Variants in HOOK1 observed in about 807,000 individuals in gnomAD.
HOOK1 encodes the protein hook microtubule tethering protein 1.
Under a neutral mutation model 112.8 loss-of-function variants are expected in HOOK1, and 60 were observed. That is an observed-to-expected ratio of 0.53 (90% CI 0.43 to 0.66). HOOK1 has a LOEUF of 0.66. Among genes scored for constraint, HOOK1 ranks in the 30% least tolerant of loss-of-function variants. HOOK1 has a pLI of 0.00. For synonymous variants in HOOK1, 294 were observed against 283.8 expected, an observed-to-expected ratio of 1.04 and a Z score of -0.36; for missense variants, 770 against 856.0, an observed-to-expected ratio of 0.90 and a Z score of 1.25.
In HOOK1 at chr1:59,840,407, C is replaced by A; in HGVS notation, c.621+16C>A. On this transcript the variant is annotated intron_variant, in intron 8 of 21. Transcript: ENST00000371208. ...GGATATGCAGGTACGGGAAAAAACC[C>A]TGAGCTGAGAAAAACTTCCTCTTTA... 6.6e-7 allele frequency: 1 copy of A among 1,508,964 alleles called. No individual in the cohort carries two copies. The highest frequency in any genetic ancestry group is 8.9e-7 in the Non-Finnish European group (1 of 1,126,498). The allele number at this position is 1,508,964 out of a possible 1,614,324, so 93.5% of individuals were successfully genotyped here. A position where few individuals can be genotyped will look rare whatever the true frequency, so the allele number is the denominator to read the frequency against.
intron 1 of HOOK1, among the ~76,000 whole-genome samples, chr1:59,817,083 C>T (rs149834654): frequency 6.6e-6 from 1 of 152,298 alleles, no homozygotes; most frequent in Non-Finnish European, 1.5e-5. Context: ...GTTATTGTAT[C>T]ATTTGTTCCC....
In HOOK1 at chr1:59,873,440, C is replaced by T. The variant is rs1025635510; in HGVS notation, c.*475C>T. On this transcript the variant is annotated 3_prime_UTR_variant, in exon 22 of 22. Coordinates refer to ENST00000371208, the MANE Select transcript of HOOK1 (RefSeq NM_015888.6). Reference sequence around the variant, plus strand: ...AACTATGCAAGGGTGATTTCTTTGACTTAATATATACAAGGCTTTACTTCT... The same window carrying T: ...AACTATGCAAGGGTGATTTCTTTGATTTAATATATACAAGGCTTTACTTCT... 4 of 151,908 alleles carry T rather than the reference C, an allele frequency of 2.6e-5. No individual in the cohort carries two copies. The highest frequency in any genetic ancestry group is 9.7e-5 in the African/African-American group (4 of 41,358). 9.4% of individuals were successfully genotyped at this position (151,908 alleles called of 1,614,324 possible).
intron 12 of HOOK1, among the ~76,000 whole-genome samples, chr1:59,856,423 A>G (rs1363652326): frequency 6.7e-6 from 1 of 149,528 alleles, no homozygotes; most frequent in Non-Finnish European, 1.5e-5. Context: ...TCTCTGTCTT[A>G]GTCTAGTCTG....
chr1:59,827,769 T>C (rs1214863956), intron 2 of HOOK1, among the ~76,000 whole-genome samples: 1 of 152,258 alleles, frequency 6.6e-6, no homozygotes, highest in African/African-American at 2.4e-5. Flanking sequence ...AGAGTTATCT[T>C]CTGGTTTTAG....
intron 20 of HOOK1, among the ~76,000 whole-genome samples, chr1:59,869,340 T>C (rs540338779): frequency 6.6e-6 from 1 of 152,118 alleles, no homozygotes; most frequent in Non-Finnish European, 1.5e-5. Context: ...TACAGGTGCA[T>C]GCCACCACGC....
At chr1:59,847,899 C>A (rs1331007758) in intron 10 of HOOK1, among the ~76,000 whole-genome samples, 1 of 151,594 alleles carries the variant, frequency 6.6e-6, no homozygotes, top group Non-Finnish European at 1.5e-5. Flanking sequence ...TAAATTTAAT[C>A]AACGTCCTAA....
chr1:59,854,030 ATATATATATTTTTTTTTTTTTT>A (rs2098409002), intron 12 of HOOK1, among the ~76,000 whole-genome samples: 4 of 24,254 alleles, frequency 1.6e-4, no homozygotes, highest in Non-Finnish European at 7.9e-5. Flanking sequence ...ATATATATAT[ATATATATATTTTTTTTTTTTTT>A]TTTTTTTTTT....
intron 5 of HOOK1, among the ~76,000 whole-genome samples, chr1:59,834,376 A>G (rs2098396108): frequency 1.3e-5 from 2 of 152,218 alleles, no homozygotes. Flanking sequence ...AAATAAAACA[A>G]AATACATGAA....
At chr1:59,861,804 C>T (rs1196742186) in intron 15 of HOOK1, among the ~76,000 whole-genome samples, 2 of 152,092 alleles carry the variant, frequency 1.3e-5, no homozygotes, top group Non-Finnish European at 2.9e-5. Context: ...TTATTGAATC[C>T]TAGACACCAA....
At chr1:59,858,929 GT>G (rs1399083823) in intron 13 of HOOK1, 55 bp from the exon 14 acceptor site, 3 of 969,016 alleles carry the variant, frequency 3.1e-6, no homozygotes, top group South Asian at 1.4e-5. Flanking sequence ...AGGAGGGAGG[GT>G]TTTTTAAAAT....
chr1:59,864,670 A>T lies in HOOK1; in HGVS notation c.1661+4A>T. ...AGCAGAAGTTGGAAGCTCATATGTA[A>T]GTAAAACTGATATTTCTTTTCAAAT... On this transcript the variant is annotated splice_donor_region_variant and intron_variant, in intron 17 of 21. Coordinates refer to ENST00000371208, the MANE Select transcript of HOOK1 (RefSeq NM_015888.6). 6.6e-7 allele frequency: 1 copy of T among 1,505,338 alleles called. No individual in the cohort carries two copies. The highest frequency in any genetic ancestry group is 9.2e-7 in the Non-Finnish European group (1 of 1,089,308). The allele number at this position is 1,505,338 out of a possible 1,614,324, so 93.2% of individuals were successfully genotyped here. A position where few individuals can be genotyped will look rare whatever the true frequency, so the allele number is the denominator to read the frequency against.
At chr1:59,821,357 G>A (rs982979252) in intron 1 of HOOK1, among the ~76,000 whole-genome samples, 5 of 152,300 alleles carry the variant, frequency 3.3e-5, no homozygotes, top group East Asian at 3.9e-4. Flanking sequence ...TCTTCAAGAC[G>A]TAAGGCCAAT....
At chr1:59,826,741 AC>A (rs2098390227) in intron 2 of HOOK1, among the ~76,000 whole-genome samples, 1 of 152,156 alleles carries the variant, frequency 6.6e-6, no homozygotes, top group Non-Finnish European at 1.5e-5. Context: ...CTCAATATAC[AC>A]ACATGTGCAC....
chr1:59,849,211 T>A (rs2098405796), intron 12 of HOOK1, 28 bp downstream of exon 12: 1 of 1,428,786 alleles, frequency 7.0e-7, no homozygotes, highest in African/African-American at 1.4e-5. Flanking sequence ...TGATAAGGAA[T>A]ATTTCATTGT....
At chr1:59,833,747 G>T (rs1321690737) in intron 5 of HOOK1, among the ~76,000 whole-genome samples, 1 of 152,124 alleles carries the variant, frequency 6.6e-6, no homozygotes, top group Non-Finnish European at 1.5e-5. Context: ...TTCATATTCA[G>T]TGGCTAAATT....
chr1:59,835,009 A>G (rs1393228431), intron 5 of HOOK1, among the ~76,000 whole-genome samples: 1 of 152,144 alleles, frequency 6.6e-6, no homozygotes, highest in African/African-American at 2.4e-5. Flanking sequence ...TCTAAGCACT[A>G]TTGAGCAATT....
chr1:59,855,065 G>A (rs562048898), intron 12 of HOOK1, among the ~76,000 whole-genome samples: 2 of 152,178 alleles, frequency 1.3e-5, no homozygotes, highest in Non-Finnish European at 2.9e-5. Flanking sequence ...GACTAACACA[G>A]AGAGAGCTAT....
intron 18 of HOOK1, 59 bp from the exon 19 acceptor site, chr1:59,865,813 A>G: frequency 2.9e-6 from 2 of 686,232 alleles, no homozygotes; most frequent in Non-Finnish European, 4.8e-6. Flanking sequence ...AGGATGAAGT[A>G]TTTTAATAGG....
intron 19 of HOOK1, 148 bp from the exon 20 acceptor site, chr1:59,868,102 A>G (rs958376443): frequency 1.8e-6 from 1 of 566,350 alleles, no homozygotes. Context: ...TGTTATCCCA[A>G]TTAGGATTGT....
Sources: gnomAD v4.1 joint callset for allele counts (sites outside exome capture counted in the v4.1 genomes callset) on GRCh38, gnomAD v4.1.1 for gene constraint, MANE v1.5 for transcripts, NCBI Gene and HGNC (gene_info 2026-07-23, HGNC 2026-07-21) for gene names.